The following SAMD12 variants were observed in gnomAD, a reference collection of about 807,000 sequenced individuals.
The protein encoded by SAMD12 is sterile alpha motif domain containing 12, also known as sterile alpha motif domain-containing protein 12.
Under a neutral mutation model 15.0 loss-of-function variants are expected in SAMD12, and 9 were observed. The observed-to-expected ratio is 0.60, with a 90% CI of 0.36 to 1.05. The LOEUF (loss-of-function observed/expected upper bound fraction) is 1.05. SAMD12 is among the 50% of genes least tolerant of loss of function. SAMD12 has a pLI of 0.01. For missense variants in SAMD12, 230 were observed against 234.2 expected (o/e 0.98, Z 0.12); for synonymous variants, 86 against 90.1 (o/e 0.96, Z 0.25).
At chr8:118,617,752 C>A in intron 1 of SAMD12, among the ~76,000 whole-genome samples, 1 of 152,044 alleles carries the variant, frequency 6.6e-6, no homozygotes. Flanking sequence ...ATATGTCATT[C>A]ATGAAACAAT....
At chr8:118,179,577 G>A in the SAMD12 span, among the ~76,000 whole-genome samples, 3 of 152,132 alleles carry the variant, frequency 2.0e-5, no homozygotes, top group Non-Finnish European at 4.4e-5. Context: ...TTCTTTTAGA[G>A]CTCTCTTTTG....
intron 2 of SAMD12, among the ~76,000 whole-genome samples, chr8:118,533,006 C>T (rs199693102): frequency 4.6e-5 from 7 of 152,016 alleles, no homozygotes; most frequent in African/African-American, 1.4e-4. Flanking sequence ...GCTCTTGTTT[C>T]TCTAGTTCTT....
At chr8:118,401,183 T>C (rs1820850881) in intron 3 of SAMD12, among the ~76,000 whole-genome samples, 1 of 152,262 alleles carries the variant, frequency 6.6e-6, no homozygotes, top group Admixed American at 6.5e-5. Flanking sequence ...TGTATCTTGC[T>C]TCTAATGAAA....
At chr8:118,279,095 GAGTTGA>G (rs1273724759) in intron 4 of SAMD12, among the ~76,000 whole-genome samples, 1 of 152,164 alleles carries the variant, frequency 6.6e-6, no homozygotes, top group Non-Finnish European at 1.5e-5. Context: ...TTCCCCAAAG[GAGTTGA>G]AGTTGAACAG....
intron 2 of SAMD12, among the ~76,000 whole-genome samples, chr8:118,473,299 G>A (rs1427179753): frequency 6.6e-6 from 1 of 152,100 alleles, no homozygotes; most frequent in Non-Finnish European, 1.5e-5. Context: ...ATACCTCTAA[G>A]TAGTCCCTTT....
intron 4 of SAMD12, among the ~76,000 whole-genome samples, chr8:118,331,586 G>A (rs1816808724): frequency 6.6e-6 from 1 of 152,202 alleles, no homozygotes; most frequent in Non-Finnish European, 1.5e-5. Flanking sequence ...AAGGCAGCAA[G>A]AAGATATTTT....
At chr8:118,249,980 G>T (rs28370859) in intron 4 of SAMD12, among the ~76,000 whole-genome samples, 1 of 152,088 alleles carries the variant, frequency 6.6e-6, no homozygotes, top group South Asian at 2.1e-4. Context: ...CCACACCCCC[G>T]ATGTTGGGGG....
At chr8:118,277,907 G>A (rs1313713547) in intron 4 of SAMD12, among the ~76,000 whole-genome samples, 2 of 152,066 alleles carry the variant, frequency 1.3e-5, no homozygotes, top group East Asian at 3.9e-4. Context: ...AAACAATCCT[G>A]GTTACTCTTT....
At chr8:118,537,724 C>T (rs1003826212) in intron 2 of SAMD12, among the ~76,000 whole-genome samples, 13 of 152,154 alleles carry the variant, frequency 8.5e-5, no homozygotes, top group Non-Finnish European at 1.5e-4. Flanking sequence ...CTCAACACAG[C>T]GATTTTGAAT....
chr8:118,613,361 A>G (rs565988369), intron 1 of SAMD12, among the ~76,000 whole-genome samples: 11 of 152,336 alleles, frequency 7.2e-5, no homozygotes, highest in African/African-American at 2.6e-4. Flanking sequence ...GGAGAAGTTT[A>G]TCTGATATTT....
intron 1 of SAMD12, among the ~76,000 whole-genome samples, chr8:118,596,741 G>A (rs374317822): frequency 3.9e-5 from 6 of 152,086 alleles, no homozygotes; most frequent in East Asian, 1.9e-4. Context: ...GAATACCTTC[G>A]GTTTGCCAGG....
At chr8:118,615,193 G>A (rs1018371291) in intron 1 of SAMD12, among the ~76,000 whole-genome samples, 1 of 151,910 alleles carries the variant, frequency 6.6e-6, no homozygotes, top group African/African-American at 2.4e-5. Context: ...TCAGTTTTGT[G>A]CCCTTTCCCC....
In SAMD12 at chr8:118,318,355, T is replaced by TAC. The variant is rs1161460062; in HGVS notation, c.433+61203_433+61204dup. 7.7e-3 allele frequency among the ~76,000 whole-genome samples: 847 copies of TAC among 110,526 alleles called. 25 individuals carry two copies. The highest frequency in any genetic ancestry group is 0.022 in the African/African-American group (706 of 31,502). The allele number at this position is 110,526 out of a possible 152,430, so 72.5% of individuals were successfully genotyped here. On this transcript the variant is annotated intron_variant, in intron 4 of 4. Coordinates refer to the SAMD12 transcript ENST00000409003. ...ATATATATATATATATATATATATATACATATATACCATGGAACACTACTT... is the reference window on the plus strand; with the variant it reads ...ATATATATATATATATATATATATATACACATATATACCATGGAACACTACTT...
chr8:118,440,181 T>A (rs565897630), intron 2 of SAMD12, among the ~76,000 whole-genome samples: 3 of 152,288 alleles, frequency 2.0e-5, no homozygotes, highest in Non-Finnish European at 4.4e-5. Context: ...TAACCATCTC[T>A]GCTAAGAAAA....
intron 2 of SAMD12, among the ~76,000 whole-genome samples, chr8:118,552,879 C>T (rs1374248270): frequency 2.0e-5 from 3 of 151,698 alleles, no homozygotes; most frequent in Non-Finnish European, 4.4e-5. Flanking sequence ...CATTCTTATA[C>T]ACCAATAACA....
At position 118,550,007 on chromosome 8, in the gene SAMD12, T is replaced by A. The variant is rs182260782; in HGVS notation, c.192+30708A>T. Among the ~76,000 whole-genome samples the A allele has an allele frequency of 7.9e-5, 12 of 152,188 alleles. No homozygotes were observed. In the East Asian group the frequency reaches 2.3e-3, roughly 29 times the overall value. On this transcript the variant is annotated intron_variant, in intron 2 of 3. Transcript: ENST00000314727. The stretch of plus-strand genomic sequence containing the variant: ...AGAATAAAAAGAAATGAACAAAACC[T>A]CCAAGAAATATGGGACTATGTGAAA...
chr8:118,598,018 A>G (rs1827766450), intron 1 of SAMD12, among the ~76,000 whole-genome samples: 1 of 152,104 alleles, frequency 6.6e-6, no homozygotes, highest in Non-Finnish European at 1.5e-5. Context: ...TGTGTTATAT[A>G]TATTCTCCCA....
downstream of SAMD12, among the ~76,000 whole-genome samples, chr8:118,374,101 G>A (rs1819252976): frequency 6.6e-6 from 1 of 151,914 alleles, no homozygotes; most frequent in South Asian, 2.1e-4. Context: ...AGATCTCTAT[G>A]AGGTTTCATC....
intron 3 of SAMD12, among the ~76,000 whole-genome samples, chr8:118,418,540 C>A (rs1821831570): frequency 6.6e-6 from 1 of 152,126 alleles, no homozygotes. Flanking sequence ...CTCGGTGAAA[C>A]CCCGTCTCTA....
Sources: allele counts gnomAD v4.1 joint callset (sites outside exome capture counted in the v4.1 genomes callset), GRCh38; gene constraint gnomAD v4.1.1; transcripts MANE v1.5; gene names NCBI Gene and HGNC (gene_info 2026-07-23, HGNC 2026-07-21).